Variants in CHIC2 observed in about 807,000 individuals in gnomAD.
CHIC2 encodes cysteine rich hydrophobic domain 2, also known as cysteine-rich hydrophobic domain-containing protein 2.
CHIC2 carries 14 observed loss-of-function variants against 25.9 expected under a neutral mutation model. The observed-to-expected ratio is 0.54, with a 90% CI of 0.36 to 0.85. The LOEUF is 0.85. Among genes scored for constraint, CHIC2 ranks in the 40% least tolerant of loss-of-function variants. CHIC2 has a pLI of 0.01. For missense variants in CHIC2, 146 were observed against 202.0 expected (o/e 0.72, Z 1.68); for synonymous variants, 70 against 72.0 (o/e 0.97, Z 0.14).
At chr4:54,043,679 G>T (rs958810828) in intron 3 of CHIC2, among the ~76,000 whole-genome samples, 12 of 152,098 alleles carry the variant, frequency 7.9e-5, no homozygotes, top group African/African-American at 2.4e-4. Context: ...GGAACAACTG[G>T]TACCAGCCAC....
chr4:54,048,362 T>C (rs1014664946), intron 3 of CHIC2, among the ~76,000 whole-genome samples: 2 of 152,168 alleles, frequency 1.3e-5, no homozygotes, highest in Admixed American at 1.3e-4. Flanking sequence ...AATCACTTTG[T>C]GCTCACTACA....
chr4:54,014,217 G>A, intron 3 of CHIC2, 98 bp from the exon 4 acceptor site: 4 of 920,814 alleles, frequency 4.3e-6, no homozygotes, highest in South Asian at 1.5e-5. Flanking sequence ...GTATAAGACA[G>A]TGACTGAGTA....
the CHIC2 span, among the ~76,000 whole-genome samples, chr4:54,075,212 A>G: frequency 6.6e-6 from 1 of 152,360 alleles, no homozygotes; most frequent in Admixed American, 6.5e-5. Flanking sequence ...TTAAGCACAT[A>G]AAGAGATACC....
rs1179877891 is a variant in CHIC2 at position 54,010,059 on chromosome 4, A to C, written c.*36T>G. ...CCAAGCAAGGCACCATTGGAAAGAC[A>C]ACATACTTGGAAAGTCTCTATAAAT... On this transcript the variant is annotated 3_prime_UTR_variant, in exon 6 of 6. Coordinates refer to ENST00000263921, the MANE Select transcript of CHIC2 (RefSeq NM_012110.4). 6.8e-7 allele frequency: 1 copy of C among 1,481,364 alleles called. No homozygotes were observed. The highest frequency in any genetic ancestry group is 1.2e-5 in the South Asian group (1 of 85,986). The allele number at this position is 1,481,364 out of a possible 1,614,324, so 91.8% of individuals were successfully genotyped here.
chr4:54,076,284 T>C, the CHIC2 span, among the ~76,000 whole-genome samples: 3 of 150,496 alleles, frequency 2.0e-5, no homozygotes, highest in African/African-American at 7.4e-5. Context: ...AAAATCTGTC[T>C]CAAAAAAAAA....
intron 3 of CHIC2, among the ~76,000 whole-genome samples, chr4:54,047,752 A>G (rs1716879060): frequency 6.6e-6 from 1 of 152,032 alleles, no homozygotes; most frequent in South Asian, 2.1e-4. Context: ...ATACATATGT[A>G]ACTAACCTGC....
At chr4:54,089,387 C>A in the CHIC2 span, among the ~76,000 whole-genome samples, 1 of 100,542 alleles carries the variant, frequency 9.9e-6, no homozygotes, top group African/African-American at 3.7e-5. Context: ...CCCACCACCA[C>A]ATTCCATATA....
intron 3 of CHIC2, among the ~76,000 whole-genome samples, chr4:54,035,348 A>G (rs559033681): frequency 6.6e-6 from 1 of 152,322 alleles, no homozygotes; most frequent in East Asian, 1.9e-4. Context: ...AGAATACACC[A>G]GTAAAGGCAT....
chr4:54,037,509 T>G (rs895600538), intron 3 of CHIC2, among the ~76,000 whole-genome samples: 1 of 152,168 alleles, frequency 6.6e-6, no homozygotes, highest in Non-Finnish European at 1.5e-5. Flanking sequence ...ATGAGTATGT[T>G]CACTATCTTG....
At chr4:54,058,460 C>A (rs1717237870) in intron 1 of CHIC2, among the ~76,000 whole-genome samples, 1 of 151,790 alleles carries the variant, frequency 6.6e-6, no homozygotes, top group African/African-American at 2.4e-5. Flanking sequence ...CTGATAGAAT[C>A]ACATAACACT....
chr4:54,030,635 T>A (rs546722155), intron 3 of CHIC2, among the ~76,000 whole-genome samples: 1 of 147,394 alleles, frequency 6.8e-6, no homozygotes. Flanking sequence ...TATACACACA[T>A]ATATATATGT....
chr4:54,045,489 T>C lies in CHIC2; in HGVS notation c.330+3466A>G, dbSNP rs576208888. On this transcript the variant is annotated intron_variant, in intron 3 of 5. Coordinates refer to ENST00000263921, the MANE Select transcript of CHIC2 (RefSeq NM_012110.4). The stretch of plus-strand genomic sequence containing the variant: ...CTTCATCCCTGGGATGCAAGGCTGG[T>C]TCAACATACGAAAATCAATAAACGT... Among the ~76,000 whole-genome samples the C allele has an allele frequency of 5.3e-5, 8 of 152,222 alleles. No individual in the cohort carries two copies. The South Asian group carries it at 1.5e-3, about 28-fold the overall frequency.
At chr4:54,074,320 G>C in the CHIC2 span, among the ~76,000 whole-genome samples, 1 of 152,110 alleles carries the variant, frequency 6.6e-6, no homozygotes, top group African/African-American at 2.4e-5. Context: ...AGATCTGAGA[G>C]GCACAAGCAC....
chr4:54,039,023 T>C (rs948791720), intron 3 of CHIC2, among the ~76,000 whole-genome samples: 3 of 151,978 alleles, frequency 2.0e-5, no homozygotes, highest in Non-Finnish European at 2.9e-5. Flanking sequence ...GGAAAAAGGA[T>C]AGTCTTCTCA....
the CHIC2 span, among the ~76,000 whole-genome samples, chr4:54,071,037 C>A: frequency 6.6e-6 from 1 of 152,252 alleles, no homozygotes; most frequent in African/African-American, 2.4e-5. Flanking sequence ...ATGTGCAATA[C>A]AACTATGCAA....
chr4:54,055,018 C>A (rs1289737128), intron 1 of CHIC2, among the ~76,000 whole-genome samples: 1 of 151,966 alleles, frequency 6.6e-6, no homozygotes, highest in African/African-American at 2.4e-5. Context: ...GGGCCTGATA[C>A]AGAGAAAAGA....
the CHIC2 span, among the ~76,000 whole-genome samples, chr4:54,072,751 C>T: frequency 6.6e-6 from 1 of 152,092 alleles, no homozygotes; most frequent in Non-Finnish European, 1.5e-5. Context: ...AAGTCTACTT[C>T]TTCTATATGA....
the CHIC2 span, among the ~76,000 whole-genome samples, chr4:54,091,471 G>A: frequency 1.3e-5 from 2 of 152,140 alleles, no homozygotes; most frequent in South Asian, 2.1e-4. Context: ...CCAGTTTCTC[G>A]TATTCCTCAC....
intron 3 of CHIC2, among the ~76,000 whole-genome samples, chr4:54,033,466 C>T (rs1716294518): frequency 6.6e-6 from 1 of 152,118 alleles, no homozygotes; most frequent in South Asian, 2.1e-4. Flanking sequence ...AAAGATTTCT[C>T]CCAGTCAGTA....
Sources: gnomAD v4.1 joint callset for allele counts (sites outside exome capture counted in the v4.1 genomes callset) on GRCh38, gnomAD v4.1.1 for gene constraint, MANE v1.5 for transcripts, NCBI Gene and HGNC (gene_info 2026-07-23, HGNC 2026-07-21) for gene names.